Variants in ZC2HC1A observed in about 807,000 individuals in gnomAD.
ZC2HC1A encodes the protein zinc finger C2HC domain-containing protein 1A.
Under a neutral mutation model 40.7 loss-of-function variants are expected in ZC2HC1A, and 28 were observed. That is an observed-to-expected ratio of 0.69 (90% CI 0.51 to 0.94). The LOEUF is 0.94. ZC2HC1A is among the 40% of genes least tolerant of loss of function. The pLI, the probability that ZC2HC1A is intolerant of heterozygous loss-of-function variation, is 0.00. For synonymous variants in ZC2HC1A, 129 were observed against 129.2 expected (o/e 1.00, Z 0.01); for missense variants, 389 against 386.3 (o/e 1.01, Z -0.06).
At chr8:78,677,378 T>G (rs1809614146) in intron 2 of ZC2HC1A, among the ~76,000 whole-genome samples, 1 of 151,650 alleles carries the variant, frequency 6.6e-6, no homozygotes, top group South Asian at 2.1e-4. Flanking sequence ...TGAATAGTAG[T>G]AGAACACTAG....
At chr8:78,676,849 G>A (rs1809597548) in intron 2 of ZC2HC1A, among the ~76,000 whole-genome samples, 1 of 151,710 alleles carries the variant, frequency 6.6e-6, no homozygotes, top group Admixed American at 6.6e-5. Flanking sequence ...TCTCATTTAT[G>A]TGGTATTTAA....
At chr8:78,699,875 G>C (rs1040579680) in intron 7 of ZC2HC1A, among the ~76,000 whole-genome samples, 1 of 152,078 alleles carries the variant, frequency 6.6e-6, no homozygotes, top group Non-Finnish European at 1.5e-5. Context: ...ATCATTGATG[G>C]ACATTTAGGT....
At chr8:78,708,177 T>G (rs1268678160) in intron 7 of ZC2HC1A, among the ~76,000 whole-genome samples, 1 of 152,226 alleles carries the variant, frequency 6.6e-6, no homozygotes, top group Non-Finnish European at 1.5e-5. Context: ...TGGTCAGGTG[T>G]AATGCTCAAT....
chr8:78,678,882 T>G (rs1047599264), intron 3 of ZC2HC1A: 5 of 324,864 alleles, frequency 1.5e-5, no homozygotes, highest in East Asian at 5.1e-5. Flanking sequence ...AAAATAAGCT[T>G]CTAAACTTCA....
chr8:78,700,868 A>G lies in ZC2HC1A; in HGVS notation c.704+2355A>G, dbSNP rs183015385. On this transcript the variant is annotated intron_variant, in intron 7 of 8. Transcript: ENST00000263849. ...ATTCTGTTCCACTGGTCCATGTTCC[A>G]GTACCATGCTGTTTTGATTACTGTA... Among the ~76,000 whole-genome samples, 363 of 151,882 alleles carry G rather than the reference A, an allele frequency of 2.4e-3. 2 individuals are homozygous for G. Among genetic ancestry groups the G allele is most frequent in the African/African-American group, 8.1e-3 (338 of 41,522 alleles).
rs529661821 is a variant in ZC2HC1A, at chr8:78,685,550, A to C, written c.211-917A>C. 5.9e-5 allele frequency among the ~76,000 whole-genome samples: 9 copies of C among 152,340 alleles called. No individual in the cohort carries two copies. The South Asian group carries it at 1.9e-3, about 32-fold the overall frequency. On this transcript the variant is annotated intron_variant, in intron 3 of 8. Coordinates refer to ENST00000263849, the MANE Select transcript of ZC2HC1A (RefSeq NM_016010.3). ...GGGAGGGAGGGAATAGTTTCCTATA[A>C]ACAATTACTAGAAATTATTACATTA...
intron 7 of ZC2HC1A, among the ~76,000 whole-genome samples, chr8:78,700,357 G>C (rs751405434): frequency 2.6e-5 from 4 of 151,492 alleles, no homozygotes; most frequent in Admixed American, 1.3e-4. Flanking sequence ...TTGTAAGTTT[G>C]TTTTTTTCTT....
At chr8:78,682,726 C>A (rs1321192653) in intron 3 of ZC2HC1A, among the ~76,000 whole-genome samples, 1 of 152,126 alleles carries the variant, frequency 6.6e-6, no homozygotes, top group South Asian at 2.1e-4. Context: ...TCCCAACAGT[C>A]CCCCAAAGTC....
At chr8:78,669,115 A>G (rs1335845197) in intron 1 of ZC2HC1A, among the ~76,000 whole-genome samples, 3 of 152,096 alleles carry the variant, frequency 2.0e-5, no homozygotes, top group Non-Finnish European at 4.4e-5. Context: ...ATAAATGTAT[A>G]CTAGTTTACT....
intron 5 of ZC2HC1A, among the ~76,000 whole-genome samples, chr8:78,696,989 G>C (rs1009455227): frequency 6.6e-6 from 1 of 152,076 alleles, no homozygotes; most frequent in Non-Finnish European, 1.5e-5. Context: ...CCTGTGAACT[G>C]AAAAAGTTGC....
intron 7 of ZC2HC1A, among the ~76,000 whole-genome samples, chr8:78,714,956 A>G (rs1172110044): frequency 6.6e-6 from 1 of 152,170 alleles, no homozygotes; most frequent in African/African-American, 2.4e-5. Flanking sequence ...CAGAATGATT[A>G]CCTTATAAAT....
chr8:78,706,225 T>C lies in ZC2HC1A; in HGVS notation c.704+7712T>C, dbSNP rs1399141389. Reference sequence around the variant, plus strand: ...GCTGGAATTCCAAGCCAGTGGGTCTTATCCTGTGAGGTGTTATGAAAGTGA... The same window carrying C: ...GCTGGAATTCCAAGCCAGTGGGTCTCATCCTGTGAGGTGTTATGAAAGTGA... On this transcript the variant is annotated intron_variant, in intron 7 of 8. Coordinates refer to ENST00000263849, the MANE Select transcript of ZC2HC1A (RefSeq NM_016010.3). 2.6e-5 allele frequency among the ~76,000 whole-genome samples: 4 copies of C among 152,180 alleles called. No individual in the cohort carries two copies. The South Asian group carries it at 8.3e-4, about 32-fold the overall frequency.
At chr8:78,701,215 G>A (rs1175118950) in intron 7 of ZC2HC1A, among the ~76,000 whole-genome samples, 1 of 152,112 alleles carries the variant, frequency 6.6e-6, no homozygotes, top group Non-Finnish European at 1.5e-5. Flanking sequence ...CACCTCCCCA[G>A]TTACCTGTAT....
intron 5 of ZC2HC1A, among the ~76,000 whole-genome samples, chr8:78,695,299 G>A (rs915917047): frequency 5.9e-5 from 9 of 152,054 alleles, no homozygotes; most frequent in Non-Finnish European, 1.3e-4. Context: ...ACATTTTTTG[G>A]AGACATGTTC....
At chr8:78,688,060 C>T (rs553247946) in intron 4 of ZC2HC1A, among the ~76,000 whole-genome samples, 9 of 150,242 alleles carry the variant, frequency 6.0e-5, no homozygotes, top group Non-Finnish European at 8.9e-5. Context: ...AACAGGCAGG[C>T]TGGATTTGGC....
intron 3 of ZC2HC1A, among the ~76,000 whole-genome samples, chr8:78,685,271 C>T (rs6985906): frequency 0.016 from 2,443 of 152,048 alleles, 57 homozygotes; most frequent in African/African-American, 0.055. Context: ...AAAAAATAAG[C>T]GAAATTTGAT....
At chr8:78,690,559 C>CAAA (rs36016408) in intron 5 of ZC2HC1A, among the ~76,000 whole-genome samples, 3 of 92,500 alleles carry the variant, frequency 3.2e-5, no homozygotes, top group Admixed American at 1.2e-4. Context: ...GAGACTGTCT[C>CAAA]AAAAAAAAAA....
chr8:78,671,970 T>A (rs1313470428), intron 1 of ZC2HC1A, among the ~76,000 whole-genome samples: 1 of 152,192 alleles, frequency 6.6e-6, no homozygotes, highest in Non-Finnish European at 1.5e-5. Flanking sequence ...GGACCGTATG[T>A]CATTTAACTT....
At chr8:78,686,707 A>G (rs1585994073) in intron 4 of ZC2HC1A, 99 bp downstream of exon 4, 1 of 1,247,462 alleles carries the variant, frequency 8.0e-7, no homozygotes, top group Non-Finnish European at 1.0e-6. Flanking sequence ...ACAATCATGG[A>G]GTGTTATGAG....
Sources: allele counts gnomAD v4.1 joint callset (sites outside exome capture counted in the v4.1 genomes callset), GRCh38; gene constraint gnomAD v4.1.1; transcripts MANE v1.5; gene names NCBI Gene and HGNC (gene_info 2026-07-23, HGNC 2026-07-21).